Variants in TMEM218 observed in about 807,000 individuals in gnomAD.
TMEM218 encodes transmembrane protein 218.
TMEM218 carries 8 observed loss-of-function variants against 10.0 expected under a neutral mutation model. The ratio of observed to expected loss-of-function variants is 0.80; its 90% CI spans 0.47 to 1.44. The LOEUF is 1.44. Ranked by LOEUF, TMEM218 falls within the 40% of genes most tolerant of loss-of-function variation. The pLI is 0.00. For synonymous variants in TMEM218, 66 were observed against 63.5 expected (o/e 1.04, Z -0.18); for missense variants, 110 against 140.1 (o/e 0.79, Z 1.08).
chr11:125,098,947 G>A (rs1050791246), intron 4 of TMEM218, among the ~76,000 whole-genome samples: 6 of 152,106 alleles, frequency 3.9e-5, no homozygotes, highest in Admixed American at 3.9e-4. Flanking sequence ...ATAAGGAAAT[G>A]GATTCTCCCC....
chr11:125,099,233 G>C (rs576628171), intron 4 of TMEM218, among the ~76,000 whole-genome samples: 46 of 152,298 alleles, frequency 3.0e-4, no homozygotes, highest in African/African-American at 1.1e-3. Flanking sequence ...AGGTCAGTTT[G>C]ATAAAACAGC....
At chr11:125,109,910 C>G (rs1437349936) in intron 1 of TMEM218, among the ~76,000 whole-genome samples, 2 of 152,222 alleles carry the variant, frequency 1.3e-5, no homozygotes, top group Non-Finnish European at 2.9e-5. Flanking sequence ...GCCCTTCAAT[C>G]CCCCTTAGTA....
chr11:125,102,054 T>A, intron 3 of TMEM218, 78 bp downstream of exon 3: 1 of 1,421,148 alleles, frequency 7.0e-7, no homozygotes, highest in Non-Finnish European at 9.2e-7. Flanking sequence ...TCTCTTAAAT[T>A]CTAAATGTTT....
chr11:125,103,320 G>A (rs1951309882), intron 1 of TMEM218: 1 of 152,460 alleles, frequency 6.6e-6, no homozygotes, highest in Admixed American at 6.5e-5. Context: ...ATCTGAGGTG[G>A]AACAGTTTCA....
chr11:125,099,308 G>T (rs539316183), intron 4 of TMEM218, among the ~76,000 whole-genome samples: 1 of 152,148 alleles, frequency 6.6e-6, no homozygotes, highest in Non-Finnish European at 1.5e-5. Flanking sequence ...ATGTTTGCTC[G>T]TTCGACACGT....
chr11:125,096,738 T>C lies in TMEM218; in HGVS notation c.*868A>G, dbSNP rs1282943241. The C allele has an allele frequency of 6.6e-6, 1 of 152,152 alleles. No individual in the cohort carries two copies. Among genetic ancestry groups the C allele is most frequent in the African/African-American group, 2.4e-5 (1 of 41,422 alleles). 9.4% of individuals were successfully genotyped at this position (152,152 alleles called of 1,614,324 possible). A position where few individuals can be genotyped will look rare whatever the true frequency, so the allele number is the denominator to read the frequency against. ...CCCCTCCATTTAATGCAAATTTCAT[T>C]TGGTCTGGGAGATCAGACAGGTATA... On this transcript the variant is annotated 3_prime_UTR_variant, in exon 5 of 5. Coordinates refer to ENST00000682305, the MANE Select transcript of TMEM218 (RefSeq NM_001258244.2).
At chr11:125,099,202 C>G (rs1031835979) in intron 4 of TMEM218, among the ~76,000 whole-genome samples, 1 of 152,158 alleles carries the variant, frequency 6.6e-6, no homozygotes, top group Non-Finnish European at 1.5e-5. Flanking sequence ...AGAGATTACC[C>G]CAACAGTCAA....
chr11:125,099,363 C>T (rs1293857770), intron 4 of TMEM218, among the ~76,000 whole-genome samples: 1 of 152,206 alleles, frequency 6.6e-6, no homozygotes, highest in East Asian at 1.9e-4. Flanking sequence ...GTGCAGAAGG[C>T]CCAGGCCATG....
At position 125,095,160 on chromosome 11, in the gene TMEM218, C is replaced by A. The variant is rs1410844675; in HGVS notation, c.*2446G>T. 6.6e-6 allele frequency among the ~76,000 whole-genome samples: 1 copy of A among 152,144 alleles called. No homozygotes were observed. The highest frequency in any genetic ancestry group is 1.5e-5 in the Non-Finnish European group (1 of 68,038). On this transcript the variant is annotated 3_prime_UTR_variant, in exon 5 of 5. Coordinates refer to ENST00000682305, the MANE Select transcript of TMEM218 (RefSeq NM_001258244.2). ...TTTGTCAGGATACAATTTTAAGACG[C>A]CACGAAATAACCTATTTTCTTATAT...
chr11:125,099,386 A>G (rs1950263296), intron 4 of TMEM218, among the ~76,000 whole-genome samples: 1 of 152,252 alleles, frequency 6.6e-6, no homozygotes, highest in South Asian at 2.1e-4. Context: ...TTATTGATAC[A>G]GCATTGAGCC....
intron 1 of TMEM218, chr11:125,104,986 T>C (rs1951774212): frequency 6.6e-6 from 1 of 152,162 alleles, no homozygotes; most frequent in South Asian, 2.1e-4. Flanking sequence ...ACCTTCAGGG[T>C]GATTCTCTTC....
Position 125,102,812 on chromosome 11 carries a change from T to C in TMEM218, c.-152-3A>G, listed in dbSNP as rs1009706452. 8 of 819,512 alleles carry C rather than the reference T, an allele frequency of 9.8e-6. No homozygotes were observed. The African/African-American group carries it at 1.5e-4, about 15-fold the overall frequency. 50.8% of individuals were successfully genotyped at this position (819,512 alleles called of 1,614,324 possible). A position where few individuals can be genotyped will look rare whatever the true frequency, so the allele number is the denominator to read the frequency against. On this transcript the variant is annotated splice_polypyrimidine_tract_variant and splice_region_variant and intron_variant, in intron 1 of 4. Coordinates refer to ENST00000682305, the MANE Select transcript of TMEM218 (RefSeq NM_001258244.2). Reference sequence around the variant, plus strand: ...CAAGAGGATGAAAACTCCCAGTCCTTAAAGAAGAGGAACAGCCATCACTAT... The same window carrying C: ...CAAGAGGATGAAAACTCCCAGTCCTCAAAGAAGAGGAACAGCCATCACTAT...
chr11:125,098,045 G>A (rs1249094502), intron 4 of TMEM218, among the ~76,000 whole-genome samples: 1 of 152,198 alleles, frequency 6.6e-6, no homozygotes, highest in African/African-American at 2.4e-5. Flanking sequence ...AAGAGTTAAT[G>A]AGAAGCTTTT....
Position 125,101,297 on chromosome 11 carries a change from A to G in TMEM218, c.117T>C (p.Ser39=). The part of the protein sequence containing the change: ...LSRASGAARF[S]VIFLFFGAVI... ...CAGCACCGAAGAATAAAAAAATGAC[A>G]GAGAACCTGGGGTTAAAAAGACAAA... is the stretch of plus-strand genomic sequence containing the variant. Residue 39 remains serine (S), a synonymous_variant, in exon 4 of 5, where the codon TCT becomes TCC. Coordinates refer to ENST00000682305, the MANE Select transcript of TMEM218 (RefSeq NM_001258244.2). 6.2e-7 allele frequency: 1 copy of G among 1,612,264 alleles called. No individual in the cohort carries two copies. Among genetic ancestry groups the G allele is most frequent in the Middle Eastern group, 1.7e-4 (1 of 6,048 alleles).
Position 125,108,521 on chromosome 11 carries a change from GA to G in TMEM218, c.-153+3017del, listed in dbSNP as rs1479886481. Among the ~76,000 whole-genome samples, 1 of 152,288 alleles carries G rather than the reference GA, an allele frequency of 6.6e-6. No homozygotes were observed. Among genetic ancestry groups the G allele is most frequent in the Admixed American group, 6.5e-5 (1 of 15,302 alleles). On this transcript the variant is annotated intron_variant, in intron 1 of 4. Transcript: ENST00000682305. The surrounding 1 kb of genome is among the most constrained non-coding windows in gnomAD (Gnocchi z 5.3). ...AGTCAGATGCTTGCACCTAAACTTAGAATCACCATGAATGCAAAAGCTTCAA... is the reference window on the plus strand; with the variant it reads ...AGTCAGATGCTTGCACCTAAACTTAGATCACCATGAATGCAAAAGCTTCAA...
chr11:125,096,289 A>C lies in TMEM218; in HGVS notation c.*1317T>G, dbSNP rs1949643311. Among the ~76,000 whole-genome samples the C allele has an allele frequency of 6.6e-6, 1 of 152,190 alleles. No individual in the cohort carries two copies. The highest frequency in any genetic ancestry group is 6.5e-5 in the Admixed American group (1 of 15,278). ...TGCCTGTGGGGTGGCAGGACTGGGT[A>C]ACTTCTCTACCCTGAAAACAGAATT... On this transcript the variant is annotated 3_prime_UTR_variant, in exon 5 of 5. Transcript: ENST00000682305.
Position 125,102,249 on chromosome 11 carries a change from G to A in TMEM218, c.-8C>T. On this transcript the variant is annotated 5_prime_UTR_variant, in exon 3 of 5. Transcript: ENST00000682305. ...GAGCACAGTGCCAGCCATCCCGCGG[G>A]GAGGCAGCGGCGGCCCCCCGCCCTG... 6.2e-7 allele frequency: 1 copy of A among 1,611,794 alleles called. No individual in the cohort carries two copies. The highest frequency in any genetic ancestry group is 8.5e-7 in the Non-Finnish European group (1 of 1,179,102).
intron 2 of TMEM218, 30 bp downstream of exon 2, chr11:125,102,704 G>C (rs1396441306): frequency 3.9e-6 from 5 of 1,290,570 alleles, no homozygotes; most frequent in Non-Finnish European, 4.0e-6. Context: ...AAGCTCTCAG[G>C]TTAAATCCAT....
At position 125,094,899 on chromosome 11, in the gene TMEM218, A is replaced by G. The variant is rs1949438314; in HGVS notation, c.*2707T>C. Among the ~76,000 whole-genome samples, 1 of 152,182 alleles carries G rather than the reference A, an allele frequency of 6.6e-6. No homozygotes were observed. Among genetic ancestry groups the G allele is most frequent in the African/African-American group, 2.4e-5 (1 of 41,460 alleles). The stretch of plus-strand genomic sequence containing the variant: ...CACCAGGACTAGTGCTTTACACCCT[A>G]CGGGCACACAATATATGCTGAATGA... On this transcript the variant is annotated 3_prime_UTR_variant, in exon 5 of 5. Coordinates refer to ENST00000682305, the MANE Select transcript of TMEM218 (RefSeq NM_001258244.2).
Sources: allele counts gnomAD v4.1 joint callset (sites outside exome capture counted in the v4.1 genomes callset), GRCh38; gene constraint gnomAD v4.1.1; non-coding constraint Gnocchi (gnomAD v3.1); transcripts MANE v1.5; gene names NCBI Gene and HGNC (gene_info 2026-07-23, HGNC 2026-07-21).